Variants in GALNT13 observed in about 807,000 individuals in gnomAD.
The protein encoded by GALNT13 is polypeptide N-acetylgalactosaminyltransferase 13.
A neutral mutation model predicts 64.2 loss-of-function variants in GALNT13; 28 were observed. The observed-to-expected ratio is 0.44, with a 90% CI of 0.32 to 0.60. The LOEUF is 0.60. GALNT13 is among the 20% of genes least tolerant of loss of function. The pLI, the probability that GALNT13 is intolerant of heterozygous loss-of-function variation, is 0.05. For synonymous variants in GALNT13, 214 were observed against 224.6 expected (o/e 0.95, Z 0.42); for missense variants, 577 against 669.8 (o/e 0.86, Z 1.53).
chr2:153,208,345 T>G, the GALNT13 span, among the ~76,000 whole-genome samples: 1 of 152,214 alleles, frequency 6.6e-6, no homozygotes, highest in African/African-American at 2.4e-5. Context: ...CTGATCTTTG[T>G]ACGTATAGTT....
At chr2:153,163,304 T>A in the GALNT13 span, among the ~76,000 whole-genome samples, 2 of 152,166 alleles carry the variant, frequency 1.3e-5, no homozygotes, top group African/African-American at 2.4e-5. Context: ...GAGCCCAAAC[T>A]GAGGTGGGTT....
chr2:154,428,845 G>T (rs1471063823), intron 11 of GALNT13, among the ~76,000 whole-genome samples: 1 of 150,982 alleles, frequency 6.6e-6, no homozygotes, highest in African/African-American at 2.4e-5. Flanking sequence ...GCAGTGGCGC[G>T]ATCTCTGCTC....
chr2:153,954,416 A>G (rs1692423012), intron 3 of GALNT13, among the ~76,000 whole-genome samples: 1 of 151,994 alleles, frequency 6.6e-6, no homozygotes, highest in Admixed American at 6.6e-5. Flanking sequence ...TCAGTTCTAT[A>G]TACAGTTTCC....
the GALNT13 span, among the ~76,000 whole-genome samples, chr2:153,107,001 AG>A: frequency 6.6e-6 from 1 of 152,160 alleles, no homozygotes; most frequent in African/African-American, 2.4e-5. Context: ...AAGTGAAAGT[AG>A]GTAAATAGGT....
the GALNT13 span, among the ~76,000 whole-genome samples, chr2:153,269,803 A>G: frequency 5.3e-5 from 8 of 152,162 alleles, no homozygotes; most frequent in African/African-American, 1.7e-4. Context: ...AGAAACAAGT[A>G]CTTTCTTTAC....
chr2:153,938,208 A>G (rs1353933286), intron 2 of GALNT13, among the ~76,000 whole-genome samples: 1 of 152,192 alleles, frequency 6.6e-6, no homozygotes, highest in Non-Finnish European at 1.5e-5. Flanking sequence ...TCACCAGGGT[A>G]ACAGTTGGAC....
the GALNT13 span, among the ~76,000 whole-genome samples, chr2:153,711,996 TGTTA>T: frequency 1.3e-5 from 2 of 152,174 alleles, no homozygotes; most frequent in Non-Finnish European, 2.9e-5. Context: ...CTTCTCCAAA[TGTTA>T]GTTCTTTTGA....
chr2:153,665,703 A>G, the GALNT13 span, among the ~76,000 whole-genome samples: 2 of 152,156 alleles, frequency 1.3e-5, no homozygotes, highest in Non-Finnish European at 2.9e-5. Context: ...CACTGGGACT[A>G]ATTCCTAGCC....
the GALNT13 span, among the ~76,000 whole-genome samples, chr2:153,805,963 AGTGT>A: frequency 6.6e-6 from 1 of 152,016 alleles, no homozygotes; most frequent in Non-Finnish European, 1.5e-5. Flanking sequence ...TATATAATAT[AGTGT>A]GTGTATGTGT....
intron 7 of GALNT13, among the ~76,000 whole-genome samples, chr2:154,254,663 A>G (rs1253866570): frequency 6.6e-6 from 1 of 152,242 alleles, no homozygotes; most frequent in Admixed American, 6.5e-5. Flanking sequence ...GAGACTGGAA[A>G]GAAATATAAG....
At chr2:153,824,549 A>C in the GALNT13 span, among the ~76,000 whole-genome samples, 1 of 152,162 alleles carries the variant, frequency 6.6e-6, no homozygotes, top group Non-Finnish European at 1.5e-5. Context: ...GTATATCATG[A>C]AAAAGCTGGT....
the GALNT13 span, among the ~76,000 whole-genome samples, chr2:153,538,468 G>A: frequency 8.1e-6 from 1 of 123,654 alleles, no homozygotes; most frequent in African/African-American, 3.2e-5. Flanking sequence ...GTATACATGT[G>A]CCATGCTGGT....
chr2:153,442,505 A>G, the GALNT13 span, among the ~76,000 whole-genome samples: 1 of 152,194 alleles, frequency 6.6e-6, no homozygotes, highest in Non-Finnish European at 1.5e-5. Flanking sequence ...TGTTTAGAAT[A>G]GTTTCAGAAG....
chr2:154,179,885 A>C (rs903704227), intron 4 of GALNT13, among the ~76,000 whole-genome samples: 1 of 151,550 alleles, frequency 6.6e-6, no homozygotes, highest in Non-Finnish European at 1.5e-5. Context: ...ACATGATTCT[A>C]TTTGTTACTT....
the GALNT13 span, among the ~76,000 whole-genome samples, chr2:153,555,786 G>T: frequency 1.3e-5 from 2 of 152,244 alleles, no homozygotes; most frequent in Non-Finnish European, 2.9e-5. Flanking sequence ...TGTAAGATCC[G>T]ATCTTTTTAA....
chr2:153,375,114 A>G, the GALNT13 span, among the ~76,000 whole-genome samples: 54,929 of 152,004 alleles, frequency 0.36, 10,568 homozygotes, highest in Non-Finnish European at 0.44. Context: ...TGCGATGCAC[A>G]TATTTTATAA....
At chr2:153,786,672 AG>A in the GALNT13 span, among the ~76,000 whole-genome samples, 2 of 151,528 alleles carry the variant, frequency 1.3e-5, no homozygotes, top group African/African-American at 4.8e-5. Flanking sequence ...CCAGCAGTGC[AG>A]CTGCTCCACC....
At chr2:153,842,789 C>A in the GALNT13 span, among the ~76,000 whole-genome samples, 4 of 152,066 alleles carry the variant, frequency 2.6e-5, no homozygotes, top group African/African-American at 9.6e-5. Flanking sequence ...AACCCAGATG[C>A]TGTAATAACC....
chr2:153,623,814 C>A, the GALNT13 span, among the ~76,000 whole-genome samples: 1 of 151,658 alleles, frequency 6.6e-6, no homozygotes, highest in Non-Finnish European at 1.5e-5. Flanking sequence ...TTTTTTTATA[C>A]CTTCACCAAT....
Sources: allele counts gnomAD v4.1 joint callset (sites outside exome capture counted in the v4.1 genomes callset), GRCh38; gene constraint gnomAD v4.1.1; transcripts MANE v1.5; gene names NCBI Gene and HGNC (gene_info 2026-07-23, HGNC 2026-07-21).